The following ARIH1 variants were observed in gnomAD, a reference collection of about 807,000 sequenced individuals.
ARIH1 encodes E3 ubiquitin-protein ligase ARIH1.
ARIH1 carries 8 observed loss-of-function variants against 85.0 expected under a neutral mutation model. That is an observed-to-expected ratio of 0.09 (90% CI 0.06 to 0.17). The LOEUF is 0.17. Ranked by LOEUF, ARIH1 falls within the 10% of genes least tolerant of loss-of-function variation. The pLI is 1.00. For missense variants in ARIH1, 311 were observed against 718.1 expected, an observed-to-expected ratio of 0.43 and a Z score of 6.48; for synonymous variants, 238 against 253.6, an observed-to-expected ratio of 0.94 and a Z score of 0.59.
intron 2 of ARIH1, among the ~76,000 whole-genome samples, chr15:72,536,463 C>T (rs1019178902): frequency 3.3e-5 from 5 of 151,920 alleles, no homozygotes; most frequent in African/African-American, 1.2e-4. Context: ...TCATGAGAAA[C>T]AATAAAATTT....
chr15:72,481,156 T>A (rs929048846), intron 1 of ARIH1, among the ~76,000 whole-genome samples: 1 of 152,212 alleles, frequency 6.6e-6, no homozygotes, highest in African/African-American at 2.4e-5. Flanking sequence ...TTTTATATTT[T>A]CCCAGCTGAT....
At chr15:72,530,069 T>C (rs1022570476) in intron 2 of ARIH1, among the ~76,000 whole-genome samples, 1 of 152,178 alleles carries the variant, frequency 6.6e-6, no homozygotes, top group African/African-American at 2.4e-5. Flanking sequence ...GCTAAATTGA[T>C]AGCAGAGGGT....
chr15:72,474,879 C>T lies in ARIH1; in HGVS notation c.240C>T (p.Gly80=), dbSNP rs2063787593. 5.0e-6 allele frequency: 7 copies of T among 1,409,852 alleles called. No individual in the cohort carries two copies. The highest frequency in any genetic ancestry group is 1.9e-4 in the Middle Eastern group (1 of 5,268). The allele number at this position is 1,409,852 out of a possible 1,614,324, so 87.3% of individuals were successfully genotyped here. A position where few individuals can be genotyped will look rare whatever the true frequency, so the allele number is the denominator to read the frequency against. Residue 80 remains glycine (G), a synonymous_variant, in exon 1 of 14, where the codon GGC becomes GGT. Coordinates refer to ENST00000379887, the MANE Select transcript of ARIH1 (RefSeq NM_005744.5). The part of the protein sequence containing the change: ...GGSALGPGGG[G]GGGGGGGGGG... ...GCGCTCTGGGGCCCGGCGGTGGCGG[C>T]GGCGGCGGCGGCGGCGGTGGTGGTG...
Position 72,553,183 on chromosome 15 carries a change from A to T in ARIH1, c.589-2088A>T, listed in dbSNP as rs190171939. Among the ~76,000 whole-genome samples, 100 of 152,324 alleles carry T rather than the reference A, an allele frequency of 6.6e-4. 3 individuals carry two copies. In the East Asian group the frequency reaches 0.018, roughly 27 times the overall value. ...ATTAAAAATAATTTAGAGGTAAATT[A>T]TGGCAAAATGTTCTTTAAAATAAGG... is the stretch of plus-strand genomic sequence containing the variant. On this transcript the variant is annotated intron_variant, in intron 3 of 13. Coordinates refer to ENST00000379887, the MANE Select transcript of ARIH1 (RefSeq NM_005744.5).
intron 5 of ARIH1, among the ~76,000 whole-genome samples, chr15:72,557,099 C>T (rs557642325): frequency 1.4e-4 from 21 of 151,932 alleles, no homozygotes; most frequent in Non-Finnish European, 1.5e-4. Context: ...TATTTTTTTA[C>T]TTTTTAAAAT....
chr15:72,559,873 A>G (rs1033202575), intron 5 of ARIH1, among the ~76,000 whole-genome samples: 55 of 152,020 alleles, frequency 3.6e-4, no homozygotes, highest in African/African-American at 1.3e-3. Flanking sequence ...ACTCCTTTTC[A>G]TTGCTGAATA....
intron 2 of ARIH1, among the ~76,000 whole-genome samples, chr15:72,542,518 C>T (rs1437929402): frequency 6.6e-6 from 1 of 152,086 alleles, no homozygotes; most frequent in Non-Finnish European, 1.5e-5. Flanking sequence ...TTATATGTGG[C>T]ACATTTAAAT....
At chr15:72,560,292 TG>T (rs2064192302) in intron 5 of ARIH1, among the ~76,000 whole-genome samples, 1 of 152,152 alleles carries the variant, frequency 6.6e-6, no homozygotes, top group Non-Finnish European at 1.5e-5. Flanking sequence ...CCATGAGAAC[TG>T]AGAGGGTATC....
chr15:72,575,105 A>C (rs990713558), intron 11 of ARIH1, among the ~76,000 whole-genome samples: 2 of 152,044 alleles, frequency 1.3e-5, no homozygotes, highest in African/African-American at 2.4e-5. Context: ...GAACAAAAAA[A>C]CAACAAAGAA....
rs2064331526 is a variant in ARIH1 at position 72,589,450 on chromosome 15, C to G, written c.*6158C>G. The G allele has an allele frequency of 6.6e-6, 1 of 152,156 alleles. No individual in the cohort carries two copies. Among genetic ancestry groups the G allele is most frequent in the Non-Finnish European group, 1.5e-5 (1 of 68,036 alleles). 9.4% of individuals were successfully genotyped at this position (152,156 alleles called of 1,614,324 possible). The stretch of plus-strand genomic sequence containing the variant: ...AGGATGAGATTGGGAACTAGAAAAC[C>G]ATTTTGGACCCCTAAAGTGGTATTG... On this transcript the variant is annotated 3_prime_UTR_variant, in exon 14 of 14. Coordinates refer to ENST00000379887, the MANE Select transcript of ARIH1 (RefSeq NM_005744.5).
chr15:72,539,315 A>G (rs967035989), intron 2 of ARIH1, among the ~76,000 whole-genome samples: 1 of 152,240 alleles, frequency 6.6e-6, no homozygotes, highest in South Asian at 2.1e-4. Flanking sequence ...CTATCCAGGC[A>G]CAGTAGTCTT....
At chr15:72,558,840 T>G (rs922127770) in intron 5 of ARIH1, among the ~76,000 whole-genome samples, 2 of 152,220 alleles carry the variant, frequency 1.3e-5, no homozygotes, top group African/African-American at 4.8e-5. Context: ...AGATAGCTTT[T>G]TAGGCTAAGG....
intron 3 of ARIH1, among the ~76,000 whole-genome samples, chr15:72,551,601 C>A (rs1401400168): frequency 6.6e-6 from 1 of 152,130 alleles, no homozygotes; most frequent in African/African-American, 2.4e-5. Flanking sequence ...CTTAAGATTC[C>A]TACCTAGCTT....
chr15:72,520,690 T>C (rs575215016), intron 2 of ARIH1, among the ~76,000 whole-genome samples: 10 of 152,300 alleles, frequency 6.6e-5, no homozygotes, highest in African/African-American at 2.4e-4. Context: ...CTTTTACAAT[T>C]TGTACATGCC....
In ARIH1 at chr15:72,567,180, T is replaced by A. The variant is rs373734918; in HGVS notation, c.1026+3T>A. ...ATTGGATTGCAGCCAACACAAAGGT[T>A]GGTGTTTTCCTTCAGTAACTCTTGG... is the stretch of plus-strand genomic sequence containing the variant. On this transcript the variant is annotated splice_donor_region_variant and intron_variant, in intron 9 of 13. Coordinates refer to ENST00000379887, the MANE Select transcript of ARIH1 (RefSeq NM_005744.5). 18 of 1,607,506 alleles carry A rather than the reference T, an allele frequency of 1.1e-5. No homozygotes were observed. In the African/African-American group the frequency reaches 2.3e-4, roughly 20 times the overall value.
At chr15:72,548,655 T>A (rs918541578) in intron 3 of ARIH1, among the ~76,000 whole-genome samples, 1 of 152,232 alleles carries the variant, frequency 6.6e-6, no homozygotes, top group Non-Finnish European at 1.5e-5. Context: ...TAGACTCATA[T>A]AGAAGGATAA....
rs1163650014 is a variant in ARIH1, at chr15:72,536,970, A to G, written c.444-7850A>G. Among the ~76,000 whole-genome samples the G allele has an allele frequency of 6.6e-5, 10 of 152,276 alleles. No homozygotes were observed. In the East Asian group the frequency reaches 1.3e-3, roughly 21 times the overall value. On this transcript the variant is annotated intron_variant, in intron 2 of 13. Transcript: ENST00000379887. ...AAGTATTCTACTTTTTCTGAAAAAT[A>G]TATGAGCAGTATGTATATTTAGCTA...
At chr15:72,476,934 A>G (rs1169696441) in intron 1 of ARIH1, among the ~76,000 whole-genome samples, 2 of 152,154 alleles carry the variant, frequency 1.3e-5, no homozygotes, top group East Asian at 3.8e-4. Context: ...GATCTGAACT[A>G]ATTTATTTAA....
Position 72,588,583 on chromosome 15 carries a change from C to T in ARIH1, c.*5291C>T, listed in dbSNP as rs888908061. 6.6e-6 allele frequency: 1 copy of T among 152,130 alleles called. No individual in the cohort carries two copies. Among genetic ancestry groups the T allele is most frequent in the Non-Finnish European group, 1.5e-5 (1 of 68,030 alleles). 9.4% of individuals were successfully genotyped at this position (152,130 alleles called of 1,614,324 possible). ...GCAAAAAGAGAATATAGGCGAGCAA[C>T]TCCAGATCATAAGGGACAAAATGAT... is the stretch of plus-strand genomic sequence containing the variant. On this transcript the variant is annotated 3_prime_UTR_variant, in exon 14 of 14. Coordinates refer to ENST00000379887, the MANE Select transcript of ARIH1 (RefSeq NM_005744.5).
Sources: gnomAD v4.1 joint callset for allele counts (sites outside exome capture counted in the v4.1 genomes callset) on GRCh38, gnomAD v4.1.1 for gene constraint, MANE v1.5 for transcripts, NCBI Gene and HGNC (gene_info 2026-07-23, HGNC 2026-07-21) for gene names.